NHS: variants seen among roughly 807,000 people sequenced by gnomAD.
NHS encodes actin remodeling regulator NHS.
NHS carries 5 observed loss-of-function variants against 72.5 expected under a neutral mutation model. The ratio of observed to expected loss-of-function variants is 0.07; its 90% CI spans 0.04 to 0.14. NHS has a LOEUF of 0.14. Among genes scored for constraint, NHS ranks in the 10% least tolerant of loss-of-function variants. The pLI is 1.00. For missense variants in NHS, 1,072 were observed against 1,355.7 expected, an observed-to-expected ratio of 0.79 and a Z score of 3.29; for synonymous variants, 464 against 547.7, an observed-to-expected ratio of 0.85 and a Z score of 2.13.
chrX:17,427,025 A>G (rs1354355334), intron 1 of NHS, among the ~76,000 whole-genome samples: 1 of 112,167 alleles, frequency 8.9e-6, no homozygotes, highest in African/African-American at 3.2e-5. Context: ...CTATAACCCC[A>G]GATCACTTGG....
intron 1 of NHS, among the ~76,000 whole-genome samples, chrX:17,544,379 G>A (rs930236885): frequency 8.9e-6 from 1 of 112,255 alleles, no homozygotes; most frequent in African/African-American, 3.2e-5. Flanking sequence ...AGAAGGAAAT[G>A]TATCAACATT....
chrX:17,561,564 GCGCGCGCGCGCACACACA>G (rs1238620659), intron 1 of NHS, among the ~76,000 whole-genome samples: 56 of 66,785 alleles, frequency 8.4e-4, no homozygotes, highest in African/African-American at 4.0e-3. Flanking sequence ...GCATGCGCGC[GCGCGCGCGCGCACACACA>G]CACACACACA....
chrX:17,692,511 G>T (rs1601839040), intron 3 of NHS, 43 bp downstream of exon 3: 1 of 1,207,434 alleles, frequency 8.3e-7, no homozygotes. Context: ...TGCTGCTGAG[G>T]AAACATCAGT....
In NHS at chrX:17,726,820, A is replaced by G. The variant is rs1169366418; in HGVS notation, c.2714A>G (p.Asn905Ser). 8 of 1,210,095 alleles carry G rather than the reference A, an allele frequency of 6.6e-6. No homozygotes were observed. Among genetic ancestry groups the G allele is most frequent in the South Asian group, 3.5e-5 (2 of 56,828 alleles). The change falls in exon 7 of 9, where the codon AAT becomes AGT. Residue 905 changes from asparagine to serine, a missense_variant. Coordinates refer to ENST00000676302, the MANE Select transcript of NHS (RefSeq NM_001291867.2). ...ACGCCTTCTCGAATGGAAAACGCCA[A>G]TCTTCCCACCAAGCAGGAACCTTCT... ...ANTPSRMENA[N>S]LPTKQEPSWI... is the part of the protein sequence containing the mutation.
chrX:17,547,648 C>T (rs2065300341), intron 1 of NHS, among the ~76,000 whole-genome samples: 1 of 112,823 alleles, frequency 8.9e-6, no homozygotes, highest in South Asian at 3.6e-4. Flanking sequence ...TTTCTTTAGA[C>T]ATTTTATCTG....
chrX:17,542,163 A>G (rs953768390), intron 1 of NHS, among the ~76,000 whole-genome samples: 2 of 113,149 alleles, frequency 1.8e-5, no homozygotes, highest in African/African-American at 3.2e-5. Context: ...CAGGCCTGCC[A>G]CAAGCCATCT....
intron 1 of NHS, among the ~76,000 whole-genome samples, chrX:17,445,371 A>G (rs924718901): frequency 9.0e-6 from 1 of 111,717 alleles, no homozygotes; most frequent in African/African-American, 3.3e-5. Flanking sequence ...TTCTGACATC[A>G]TAGTGTTATC....
chrX:17,413,126 TGCACACAC>T (rs898730289), intron 1 of NHS, among the ~76,000 whole-genome samples: 1 of 112,229 alleles, frequency 8.9e-6, no homozygotes, highest in Non-Finnish European at 1.9e-5. Flanking sequence ...TGTGTGTGCG[TGCACACAC>T]GCACACACAT....
chrX:17,567,771 G>A (rs916257317), intron 1 of NHS, among the ~76,000 whole-genome samples: 4 of 109,056 alleles, frequency 3.7e-5, no homozygotes, highest in African/African-American at 1.3e-4. Context: ...AGGGAAACAG[G>A]CAAGAAAGAG....
chrX:17,553,648 CT>C (rs1237657812), intron 1 of NHS, among the ~76,000 whole-genome samples: 3 of 111,513 alleles, frequency 2.7e-5, no homozygotes, highest in African/African-American at 6.5e-5. Flanking sequence ...CAACTACAAA[CT>C]TTTCCTGGCC....
At chrX:17,552,005 G>C (rs1198441391) in intron 1 of NHS, among the ~76,000 whole-genome samples, 1 of 106,343 alleles carries the variant, frequency 9.4e-6, no homozygotes, top group Non-Finnish European at 2.0e-5. Context: ...TCCTCCCAAA[G>C]AGGCATTATC....
In NHS at chrX:17,638,834, G is replaced by A. The variant is rs185921390; in HGVS notation, c.566-48908G>A. Reference sequence around the variant, plus strand: ...GGCAAAAGCTTTGTGGCTGGGAAGTGCTCTCCATTTGCATGTCTTGGGCAG... The same window carrying A: ...GGCAAAAGCTTTGTGGCTGGGAAGTACTCTCCATTTGCATGTCTTGGGCAG... On this transcript the variant is annotated intron_variant, in intron 1 of 8. Transcript: ENST00000676302. Among the ~76,000 whole-genome samples, 270 of 111,717 alleles carry A rather than the reference G, an allele frequency of 2.4e-3. 2 individuals are homozygous for A. The highest frequency in any genetic ancestry group is 4.4e-3 in the Non-Finnish European group (234 of 53,109).
At chrX:17,653,189 C>T (rs1000657876) in intron 1 of NHS, among the ~76,000 whole-genome samples, 1 of 112,184 alleles carries the variant, frequency 8.9e-6, no homozygotes, top group African/African-American at 3.2e-5. Context: ...GCTTTTATTA[C>T]GTGCTGGGCA....
chrX:17,536,330 G>A (rs2065223276), intron 1 of NHS, among the ~76,000 whole-genome samples: 1 of 112,527 alleles, frequency 8.9e-6, no homozygotes, highest in African/African-American at 3.2e-5. Flanking sequence ...ACTCCAGCCT[G>A]GGCAACAGAG....
intron 1 of NHS, among the ~76,000 whole-genome samples, chrX:17,662,403 C>A (rs1246095059): frequency 8.9e-6 from 1 of 112,048 alleles, no homozygotes; most frequent in Non-Finnish European, 1.9e-5. Flanking sequence ...ATGGATGATT[C>A]ATGACATTGA....
intron 3 of NHS, among the ~76,000 whole-genome samples, chrX:17,718,480 AAGG>A (rs1442898173): frequency 1.0e-5 from 1 of 95,260 alleles, no homozygotes; most frequent in East Asian, 3.5e-4. Context: ...AGAAGGAAGA[AAGG>A]AAGGAAGGGA....
chrX:17,511,472 T>C (rs1569269987), intron 1 of NHS, among the ~76,000 whole-genome samples: 1 of 111,546 alleles, frequency 9.0e-6, no homozygotes, highest in South Asian at 3.8e-4. Flanking sequence ...CAGTCACCTT[T>C]GGAGGCTGGC....
chrX:17,684,535 C>T (rs944668667), intron 1 of NHS, among the ~76,000 whole-genome samples: 4 of 111,148 alleles, frequency 3.6e-5, no homozygotes, highest in African/African-American at 1.3e-4. Flanking sequence ...GAGTGAGGCC[C>T]TCAGCTCCTA....
intron 1 of NHS, among the ~76,000 whole-genome samples, chrX:17,544,631 G>T (rs2065282519): frequency 9.0e-6 from 1 of 111,639 alleles, no homozygotes; most frequent in East Asian, 2.8e-4. Context: ...CCCTGCCTCA[G>T]CCTCCTGAGT....
Sources: allele counts gnomAD v4.1 joint callset (sites outside exome capture counted in the v4.1 genomes callset), GRCh38; gene constraint gnomAD v4.1.1; transcripts MANE v1.5; gene names NCBI Gene and HGNC (gene_info 2026-07-23, HGNC 2026-07-21).